Variants in B3GLCT observed in about 807,000 individuals in gnomAD.
B3GLCT encodes beta-1,3-glucosyltransferase.
A neutral mutation model predicts 63.4 loss-of-function variants in B3GLCT; 65 were observed. The observed-to-expected ratio is 1.03, with a 90% CI of 0.84 to 1.26. The LOEUF (loss-of-function observed/expected upper bound fraction) is 1.26, where lower values mean the gene tolerates loss of function less well. B3GLCT is among the 50% of genes most tolerant of loss of function. B3GLCT has a pLI of 0.00. For synonymous variants in B3GLCT, 233 were observed against 219.2 expected (o/e 1.06, Z -0.55); for missense variants, 577 against 604.8 (o/e 0.95, Z 0.48).
At chr13:31,264,368 G>A (rs1438408528) in intron 7 of B3GLCT, among the ~76,000 whole-genome samples, 1 of 152,090 alleles carries the variant, frequency 6.6e-6, no homozygotes, top group Non-Finnish European at 1.5e-5. Context: ...CCTTCTGCAT[G>A]GTGTGTCATC....
intron 4 of B3GLCT, among the ~76,000 whole-genome samples, chr13:31,230,071 C>G (rs1223913665): frequency 1.3e-5 from 2 of 152,050 alleles, no homozygotes; most frequent in Non-Finnish European, 2.9e-5. Flanking sequence ...TCTTAATCTA[C>G]TTTTTTAATT....
At chr13:31,322,058 T>C (rs561909614) in intron 13 of B3GLCT, among the ~76,000 whole-genome samples, 1 of 152,354 alleles carries the variant, frequency 6.6e-6, no homozygotes, top group African/African-American at 2.4e-5. Context: ...ATAACTTAGC[T>C]CCTACTTATA....
intron 10 of B3GLCT, chr13:31,282,989 A>G (rs1020044516): frequency 6.6e-6 from 1 of 152,200 alleles, no homozygotes; most frequent in African/African-American, 2.4e-5. Flanking sequence ...TGTAATTTCT[A>G]TTTTACCTGT....
In B3GLCT at chr13:31,284,676, CCAGGCAAGT is replaced by C. The variant is rs759403205; in HGVS notation, c.881_889del (p.Gln294_Ser296del). ...CTATTGTTAAGCAGACTTGGGAGAG[CCAGGCAAGT>C]CTCATTGAATACTATAGTGACTATA... On this transcript the variant is annotated inframe_deletion, in exon 11 of 15. Coordinates refer to ENST00000343307, the MANE Select transcript of B3GLCT (RefSeq NM_194318.4). 1.4e-5 allele frequency: 23 copies of C among 1,609,718 alleles called. No homozygotes were observed. The Admixed American group carries it at 3.5e-4, about 25-fold the overall frequency.
At chr13:31,200,663 C>A (rs1362238395) in intron 1 of B3GLCT, among the ~76,000 whole-genome samples, 1 of 151,910 alleles carries the variant, frequency 6.6e-6, no homozygotes, top group African/African-American at 2.4e-5. Context: ...CCCGCGGCTC[C>A]TGTTCGACCC....
intron 8 of B3GLCT, among the ~76,000 whole-genome samples, chr13:31,271,164 TAA>T (rs1377520015): frequency 6.6e-6 from 1 of 152,202 alleles, no homozygotes; most frequent in Non-Finnish European, 1.5e-5. Context: ...ACATTTGGTG[TAA>T]ATAAACACTT....
At chr13:31,317,943 G>A (rs1566097030) in intron 13 of B3GLCT, among the ~76,000 whole-genome samples, 1 of 127,798 alleles carries the variant, frequency 7.8e-6, no homozygotes, top group Non-Finnish European at 1.7e-5. Context: ...GTTGCTTCTA[G>A]ACAGCCAACT....
chr13:31,258,217 C>T (rs769012684), intron 6 of B3GLCT, among the ~76,000 whole-genome samples: 2 of 152,166 alleles, frequency 1.3e-5, no homozygotes, highest in Admixed American at 6.5e-5. Context: ...ACCTAAAACT[C>T]GACATGTTCA....
chr13:31,290,736 G>C (rs2137887891), intron 12 of B3GLCT, among the ~76,000 whole-genome samples: 1 of 152,200 alleles, frequency 6.6e-6, no homozygotes, highest in African/African-American at 2.4e-5. Context: ...ATTTGTTTAA[G>C]TTCTTTGTAG....
chr13:31,226,969 C>T (rs2137766690), intron 3 of B3GLCT, among the ~76,000 whole-genome samples: 1 of 152,122 alleles, frequency 6.6e-6, no homozygotes, highest in South Asian at 2.1e-4. Context: ...TCTTTTATAC[C>T]TTCACATGCT....
At chr13:31,267,089 T>C (rs1194580437) in intron 7 of B3GLCT, among the ~76,000 whole-genome samples, 1 of 152,196 alleles carries the variant, frequency 6.6e-6, no homozygotes, top group Non-Finnish European at 1.5e-5. Flanking sequence ...GGTTTTCACT[T>C]TTTCCCCTTC....
rs1875132979 is a variant in B3GLCT at position 31,317,866 on chromosome 13, A to G, written c.1184+181A>G. Among the ~76,000 whole-genome samples the G allele has an allele frequency of 2.9e-5, 4 of 138,268 alleles. No individual in the cohort carries two copies. The South Asian group carries it at 9.4e-4, about 32-fold the overall frequency. The allele number at this position is 138,268 out of a possible 152,430, so 90.7% of individuals were successfully genotyped here. ...ATATTAAAAGAACACTCAGTAAAGA[A>G]TATTTTAGCCCTTGAAGAAATGATA... On this transcript the variant is annotated intron_variant, in intron 13 of 14. Coordinates refer to ENST00000343307, the MANE Select transcript of B3GLCT (RefSeq NM_194318.4).
At chr13:31,268,345 T>G (rs1872428071) in intron 7 of B3GLCT, among the ~76,000 whole-genome samples, 2 of 152,196 alleles carry the variant, frequency 1.3e-5, no homozygotes, top group South Asian at 4.1e-4. Context: ...CACTGAGTGC[T>G]CACTGTGGTC....
Position 31,203,675 on chromosome 13 carries a change from A to G in B3GLCT, c.70+3521A>G, listed in dbSNP as rs143833927. 1.0e-3 allele frequency among the ~76,000 whole-genome samples: 153 copies of G among 152,332 alleles called. 3 individuals carry two copies. In the East Asian group the frequency reaches 0.013, roughly 13 times the overall value. On this transcript the variant is annotated intron_variant, in intron 1 of 14. Coordinates refer to ENST00000343307, the MANE Select transcript of B3GLCT (RefSeq NM_194318.4). The stretch of plus-strand genomic sequence containing the variant: ...GTTCTGTTTTTCCTCTTGTAGCATT[A>G]TGTGTGATCCATCTTTGGCTTTGCA...
chr13:31,268,539 T>C (rs928848796), intron 7 of B3GLCT, among the ~76,000 whole-genome samples: 2 of 152,180 alleles, frequency 1.3e-5, no homozygotes, highest in Non-Finnish European at 2.9e-5. Flanking sequence ...AAGATACCCA[T>C]GAGTTTGGTG....
intron 7 of B3GLCT, 76 bp from the exon 8 acceptor site, chr13:31,269,138 G>C: frequency 1.0e-6 from 1 of 966,642 alleles, no homozygotes; most frequent in Non-Finnish European, 1.7e-6. Flanking sequence ...TCAAACACTA[G>C]AAAGTCTCAA....
intron 6 of B3GLCT, among the ~76,000 whole-genome samples, chr13:31,257,342 C>T (rs907690518): frequency 2.0e-5 from 3 of 151,892 alleles, no homozygotes; most frequent in Non-Finnish European, 4.4e-5. Context: ...AAGGTTTAGT[C>T]ACTTGATAAA....
intron 1 of B3GLCT, among the ~76,000 whole-genome samples, chr13:31,209,560 G>A (rs1052218795): frequency 6.6e-6 from 1 of 152,204 alleles, no homozygotes; most frequent in African/African-American, 2.4e-5. Context: ...TGAGCCATGT[G>A]TGCTTCCAAG....
At chr13:31,228,422 G>A (rs556531873) in intron 3 of B3GLCT, among the ~76,000 whole-genome samples, 1 of 152,298 alleles carries the variant, frequency 6.6e-6, no homozygotes, top group Non-Finnish European at 1.5e-5. Flanking sequence ...ACAAAACGTG[G>A]CTTAGTACAA....
Sources: allele counts gnomAD v4.1 joint callset (sites outside exome capture counted in the v4.1 genomes callset), GRCh38; gene constraint gnomAD v4.1.1; transcripts MANE v1.5; gene names NCBI Gene and HGNC (gene_info 2026-07-23, HGNC 2026-07-21).